ABI3BP: variants seen among roughly 807,000 people sequenced by gnomAD.
ABI3BP encodes the protein target of Nesh-SH3.
Under a neutral mutation model 268.6 loss-of-function variants are expected in ABI3BP, and 216 were observed. That is an observed-to-expected ratio of 0.80 (90% CI 0.72 to 0.90). ABI3BP has a LOEUF of 0.90. Among genes scored for constraint, ABI3BP ranks in the 40% least tolerant of loss-of-function variants. ABI3BP has a pLI of 0.00. For missense variants in ABI3BP, 2,090 were observed against 2,182.4 expected (o/e 0.96, Z 0.84); for synonymous variants, 730 against 730.0 (o/e 1.00, Z 0.00).
intron 1 of ABI3BP, among the ~76,000 whole-genome samples, chr3:100,931,478 C>T (rs185423700): frequency 9.2e-4 from 140 of 152,170 alleles, no homozygotes; most frequent in African/African-American, 3.3e-3. Context: ...CAAAAGGCTA[C>T]TAGAAATGAT....
chr3:100,868,334 T>G (rs1291267046), intron 9 of ABI3BP, among the ~76,000 whole-genome samples: 1 of 152,228 alleles, frequency 6.6e-6, no homozygotes, highest in African/African-American at 2.4e-5. Context: ...GAATATTTTG[T>G]GCTCCACAGA....
chr3:100,851,831 G>A (rs1289329106), intron 15 of ABI3BP, 44 bp downstream of exon 15: 1 of 1,480,442 alleles, frequency 6.8e-7, no homozygotes, highest in Non-Finnish European at 9.1e-7. Flanking sequence ...ACCAAGTGTT[G>A]GAACACCTGG....
chr3:100,863,968 T>TA, intron 12 of ABI3BP, 34 bp downstream of exon 12: 1 of 1,375,498 alleles, frequency 7.3e-7, no homozygotes, highest in Non-Finnish European at 1.0e-6. Flanking sequence ...ATATCCAAGG[T>TA]AATAATAAAG....
At chr3:100,798,365 C>T (rs559543690) in intron 51 of ABI3BP, among the ~76,000 whole-genome samples, 6 of 152,092 alleles carry the variant, frequency 3.9e-5, no homozygotes, top group Non-Finnish European at 8.8e-5. Flanking sequence ...CATTCTCCTA[C>T]TTGGTCAACT....
intron 50 of ABI3BP, among the ~76,000 whole-genome samples, chr3:100,805,955 T>C (rs1282366899): frequency 6.6e-6 from 1 of 152,088 alleles, no homozygotes; most frequent in Non-Finnish European, 1.5e-5. Flanking sequence ...TGTTTGCCCA[T>C]GTGAAATCTA....
intron 1 of ABI3BP, among the ~76,000 whole-genome samples, chr3:100,963,848 G>A (rs1389494840): frequency 6.6e-6 from 1 of 152,272 alleles, no homozygotes; most frequent in African/African-American, 2.4e-5. Context: ...AGCCCTGAAA[G>A]TCCTCAGTTA....
intron 4 of ABI3BP, among the ~76,000 whole-genome samples, chr3:100,897,507 T>C (rs1256498402): frequency 1.3e-5 from 2 of 152,190 alleles, no homozygotes; most frequent in Non-Finnish European, 2.9e-5. Context: ...GAATTATTGA[T>C]ATCCGCAATG....
At chr3:100,751,732 T>C (rs1466617481) in intron 66 of ABI3BP, 58 bp from the exon 67 acceptor site, 3 of 1,479,670 alleles carry the variant, frequency 2.0e-6, no homozygotes, top group Non-Finnish European at 2.7e-6. Flanking sequence ...AATGTGACAA[T>C]TTTGAAATCA....
intron 61 of ABI3BP, among the ~76,000 whole-genome samples, chr3:100,773,187 T>C (rs1221483537): frequency 1.3e-5 from 2 of 152,034 alleles, no homozygotes; most frequent in East Asian, 1.9e-4. Context: ...TCATTAAAAT[T>C]AGAAGACACA....
chr3:100,756,397 T>A (rs1028306342), intron 63 of ABI3BP, among the ~76,000 whole-genome samples: 2 of 152,220 alleles, frequency 1.3e-5, no homozygotes, highest in Admixed American at 1.3e-4. Context: ...TGGTGGCACA[T>A]GCCTTTGTCA....
At chr3:100,891,439 G>A (rs932006905) in intron 4 of ABI3BP, among the ~76,000 whole-genome samples, 2 of 152,202 alleles carry the variant, frequency 1.3e-5, no homozygotes, top group African/African-American at 4.8e-5. Flanking sequence ...GCTAGACACT[G>A]CATTAACCAT....
At chr3:100,970,037 G>C (rs938007249) in intron 1 of ABI3BP, among the ~76,000 whole-genome samples, 5 of 152,110 alleles carry the variant, frequency 3.3e-5, no homozygotes, top group African/African-American at 1.2e-4. Context: ...ATAGGTACAG[G>C]TCTAGCCTAA....
At chr3:100,832,217 C>G in intron 31 of ABI3BP, 47 bp downstream of exon 31, 1 of 1,497,054 alleles carries the variant, frequency 6.7e-7, no homozygotes, top group Non-Finnish European at 9.0e-7. Flanking sequence ...ACAGTCCCAA[C>G]CGTGGTAGAC....
At chr3:100,960,163 TAAA>T (rs1412570563) in intron 1 of ABI3BP, among the ~76,000 whole-genome samples, 4 of 151,648 alleles carry the variant, frequency 2.6e-5, no homozygotes, top group Non-Finnish European at 4.4e-5. Context: ...TCAGAAGAGA[TAAA>T]AAAGGATAAG....
intron 6 of ABI3BP, among the ~76,000 whole-genome samples, chr3:100,878,537 CTCTT>C (rs529078424): frequency 4.7e-4 from 72 of 152,230 alleles, no homozygotes; most frequent in Non-Finnish European, 9.3e-4. Flanking sequence ...TTTAGACATG[CTCTT>C]TCTTGGCAAC....
chr3:100,992,792 G>T (rs2154002837), intron 1 of ABI3BP, among the ~76,000 whole-genome samples: 1 of 152,290 alleles, frequency 6.6e-6, no homozygotes, highest in South Asian at 2.1e-4. Flanking sequence ...CCACTGGAGG[G>T]ACGTGTCTGC....
chr3:100,851,428 C>T (rs2098837062), intron 15 of ABI3BP, among the ~76,000 whole-genome samples: 2 of 152,144 alleles, frequency 1.3e-5, no homozygotes, highest in South Asian at 4.1e-4. Context: ...GGCAGCACCC[C>T]TCATCTCTAC....
intron 56 of ABI3BP, among the ~76,000 whole-genome samples, chr3:100,788,404 A>G (rs1333582065): frequency 2.0e-5 from 3 of 152,056 alleles, no homozygotes; most frequent in Non-Finnish European, 4.4e-5. Flanking sequence ...TTTAAGGAGG[A>G]GCACTAAGTG....
chr3:100,807,127 T>C (rs1235426769), intron 50 of ABI3BP, among the ~76,000 whole-genome samples: 2 of 152,022 alleles, frequency 1.3e-5, no homozygotes, highest in Admixed American at 1.3e-4. Flanking sequence ...CTATGCTTTA[T>C]ACTCAAATCC....
Sources: allele counts gnomAD v4.1 joint callset (sites outside exome capture counted in the v4.1 genomes callset), GRCh38; gene constraint gnomAD v4.1.1; transcripts MANE v1.5; gene names NCBI Gene and HGNC (gene_info 2026-07-23, HGNC 2026-07-21).